ADGRV1: variants seen among roughly 807,000 people sequenced by gnomAD.
ADGRV1 encodes G-protein coupled receptor 98.
ADGRV1 carries 359 observed loss-of-function variants against 596.2 expected under a neutral mutation model. The ratio of observed to expected loss-of-function variants is 0.60; its 90% CI spans 0.55 to 0.66. The LOEUF (loss-of-function observed/expected upper bound fraction) is 0.66, where lower values mean the gene tolerates loss of function less well. Ranked by LOEUF, ADGRV1 falls within the 30% of genes least tolerant of loss-of-function variation. The pLI, the probability that ADGRV1 is intolerant of heterozygous loss-of-function variation, is 0.00. For missense variants in ADGRV1, 7,274 were observed against 7,575.6 expected, an observed-to-expected ratio of 0.96 and a Z score of 1.48; for synonymous variants, 2,681 against 2,679.2, an observed-to-expected ratio of 1.00 and a Z score of -0.02.
chr5:90,799,996 AC>A (rs1220485961), intron 70 of ADGRV1, among the ~76,000 whole-genome samples: 1 of 152,238 alleles, frequency 6.6e-6, no homozygotes, highest in Admixed American at 6.5e-5. Context: ...CCTAGGAAAT[AC>A]CATTTAGGAC....
chr5:90,972,903 G>A (rs913897237), intron 84 of ADGRV1, among the ~76,000 whole-genome samples: 3 of 152,062 alleles, frequency 2.0e-5, no homozygotes, highest in African/African-American at 7.2e-5. Context: ...AAAAATCAAT[G>A]AATCCAAGAG....
At chr5:90,592,687 C>T (rs1370453886) in intron 1 of ADGRV1, among the ~76,000 whole-genome samples, 2 of 152,150 alleles carry the variant, frequency 1.3e-5, no homozygotes, top group African/African-American at 4.8e-5. Context: ...AAAATTTTTG[C>T]AATCTACCCA....
At chr5:90,560,400 C>T (rs1754661200) in intron 1 of ADGRV1, among the ~76,000 whole-genome samples, 1 of 152,054 alleles carries the variant, frequency 6.6e-6, no homozygotes, top group South Asian at 2.1e-4. Flanking sequence ...CTTAGAAACC[C>T]TTTACATAGG....
chr5:90,629,148 C>A, intron 8 of ADGRV1, 62 bp from the exon 9 acceptor site: 3 of 857,096 alleles, frequency 3.5e-6, no homozygotes, highest in Non-Finnish European at 1.7e-6. Context: ...ATGGAAAATA[C>A]AGAGTTTGAT....
At chr5:90,862,648 T>C (rs927677017) in intron 82 of ADGRV1, among the ~76,000 whole-genome samples, 3 of 152,182 alleles carry the variant, frequency 2.0e-5, no homozygotes, top group Non-Finnish European at 4.4e-5. Context: ...GAACACCCCA[T>C]GGAAGCCTTC....
intron 87 of ADGRV1, among the ~76,000 whole-genome samples, chr5:91,142,510 T>C (rs1189903750): frequency 2.0e-5 from 3 of 152,164 alleles, no homozygotes; most frequent in Admixed American, 6.5e-5. Flanking sequence ...CTAGGAGTTG[T>C]TGAACCTTGG....
At chr5:90,878,178 C>T (rs1026596805) in intron 83 of ADGRV1, among the ~76,000 whole-genome samples, 1 of 152,172 alleles carries the variant, frequency 6.6e-6, no homozygotes, top group Non-Finnish European at 1.5e-5. Context: ...AGACTTCCGT[C>T]AGAATTGGCT....
At chr5:91,118,567 C>G (rs1332953353) in intron 87 of ADGRV1, among the ~76,000 whole-genome samples, 1 of 151,984 alleles carries the variant, frequency 6.6e-6, no homozygotes, top group Non-Finnish European at 1.5e-5. Context: ...AGAATGAGCT[C>G]AGAGCAGCAT....
At position 90,778,905 on chromosome 5, in the gene ADGRV1, A is replaced by G. The variant is rs2150081114; in HGVS notation, c.12890A>G (p.His4297Arg). 1 of 1,613,340 alleles carries G rather than the reference A, an allele frequency of 6.2e-7. No homozygotes were observed. Among genetic ancestry groups the G allele is most frequent in the Non-Finnish European group, 8.5e-7 (1 of 1,179,436 alleles). The change falls in exon 64 of 90, where the codon CAT becomes CGT. Residue 4297 changes from histidine (H) to arginine (R), a missense_variant. His to Arg is a conservative substitution (Grantham distance 29). Coordinates refer to ENST00000405460, the MANE Select transcript of ADGRV1 (RefSeq NM_032119.4). The stretch of plus-strand genomic sequence containing the variant: ...ATCCGTTCCAGTGGAGATTTTGGCC[A>G]TGTGCGACTCTGGTACAAGACGATG... ...TIIRSSGDFG[H>R]VRLWYKTMSG...
intron 39 of ADGRV1, among the ~76,000 whole-genome samples, chr5:90,710,708 A>G (rs773309600): frequency 6.6e-5 from 10 of 152,200 alleles, no homozygotes; most frequent in Non-Finnish European, 2.9e-5. Flanking sequence ...TTAAAATAAT[A>G]GAAACAAAAT....
chr5:90,762,254 C>G (rs1387685988), intron 58 of ADGRV1, among the ~76,000 whole-genome samples: 1 of 152,024 alleles, frequency 6.6e-6, no homozygotes, highest in Non-Finnish European at 1.5e-5. Context: ...AGTTTGGAGT[C>G]AAAATACCCT....
At chr5:91,105,759 G>A (rs1288785952) in intron 87 of ADGRV1, among the ~76,000 whole-genome samples, 2 of 152,052 alleles carry the variant, frequency 1.3e-5, no homozygotes. Flanking sequence ...CATCTTCTAG[G>A]TTGTGTTTTT....
At chr5:90,763,274 T>C (rs1001020209) in intron 58 of ADGRV1, 31 bp from the exon 59 acceptor site, 1 of 1,447,248 alleles carries the variant, frequency 6.9e-7, no homozygotes, top group East Asian at 2.3e-5. Context: ...TTTTTTTTTT[T>C]GTTTGGCCTT....
chr5:90,658,477 T>C (rs1028512440), intron 21 of ADGRV1, among the ~76,000 whole-genome samples, 199 bp downstream of exon 21: 1 of 152,186 alleles, frequency 6.6e-6, no homozygotes. Flanking sequence ...CTTAATGAGC[T>C]GATAGAAGTA....
At position 90,921,099 on chromosome 5, in the gene ADGRV1, A is replaced by G. The variant is rs1389408296; in HGVS notation, c.17857-44316A>G. Among the ~76,000 whole-genome samples the G allele has an allele frequency of 3.9e-5, 6 of 152,322 alleles. 1 individual carries two copies. In the South Asian group the frequency reaches 1.0e-3, roughly 26 times the overall value. On this transcript the variant is annotated intron_variant, in intron 83 of 89. Transcript: ENST00000405460. ...CAGATTGTATGTTCCTTCATGCCCA[A>G]ATGAAAGTGTAACCATTATCCAAAC...
chr5:91,036,482 A>C (rs1263160762), intron 85 of ADGRV1, among the ~76,000 whole-genome samples: 1 of 151,808 alleles, frequency 6.6e-6, no homozygotes, highest in Non-Finnish European at 1.5e-5. Flanking sequence ...GAATGGCGTG[A>C]ACCCGGGAGG....
intron 87 of ADGRV1, among the ~76,000 whole-genome samples, chr5:91,130,748 C>G (rs954070339): frequency 5.9e-5 from 9 of 152,092 alleles, no homozygotes; most frequent in South Asian, 4.1e-4. Context: ...AACATAGTGC[C>G]CTATAAGTAG....
intron 36 of ADGRV1, 24 bp from the exon 37 acceptor site, chr5:90,705,376 T>C (rs550652240): frequency 6.2e-7 from 1 of 1,608,650 alleles, no homozygotes; most frequent in African/African-American, 1.3e-5. Context: ...AAATCACTGT[T>C]AGATTCCTGC....
intron 83 of ADGRV1, among the ~76,000 whole-genome samples, chr5:90,963,360 A>G (rs1035235061): frequency 2.0e-5 from 3 of 152,154 alleles, no homozygotes; most frequent in Non-Finnish European, 4.4e-5. Context: ...CTGACCTATA[A>G]TAAAGGTCAG....
Sources: allele counts gnomAD v4.1 joint callset (sites outside exome capture counted in the v4.1 genomes callset), GRCh38; gene constraint gnomAD v4.1.1; transcripts MANE v1.5; gene names NCBI Gene and HGNC (gene_info 2026-07-23, HGNC 2026-07-21).